PAPPA2: variants seen among roughly 807,000 people sequenced by gnomAD.
The protein encoded by PAPPA2 is pappalysin 2.
A neutral mutation model predicts 176.4 loss-of-function variants in PAPPA2; 86 were observed. The ratio of observed to expected loss-of-function variants is 0.49; its 90% confidence interval spans 0.41 to 0.58. The LOEUF is 0.58. Ranked by LOEUF, PAPPA2 falls within the 20% of genes least tolerant of loss-of-function variation. The pLI, the probability that PAPPA2 is intolerant of heterozygous loss-of-function variation, is 0.00. For synonymous variants in PAPPA2, 809 were observed against 852.2 expected (o/e 0.95, Z 0.88); for missense variants, 2,073 against 2,256.9 (o/e 0.92, Z 1.65).
intron 15 of PAPPA2, among the ~76,000 whole-genome samples, chr1:176,768,602 C>T (rs1389461067): frequency 6.6e-6 from 1 of 151,962 alleles, no homozygotes; most frequent in Non-Finnish European, 1.5e-5. Context: ...TCTATTCTTC[C>T]TCCTTCACAT....
chr1:176,510,298 C>T (rs1648517755), intron 1 of PAPPA2, among the ~76,000 whole-genome samples: 1 of 152,134 alleles, frequency 6.6e-6, no homozygotes, highest in African/African-American at 2.4e-5. Context: ...TCATCGTTTT[C>T]TCACCTGAGC....
At chr1:176,836,935 A>C (rs753810517) in intron 21 of PAPPA2, 1 of 152,218 alleles carries the variant, frequency 6.6e-6, no homozygotes, top group Non-Finnish European at 1.5e-5. Context: ...GGAATAAAGC[A>C]TATGGAGTGA....
intron 21 of PAPPA2, among the ~76,000 whole-genome samples, chr1:176,817,351 A>G (rs151301311): frequency 6.6e-6 from 1 of 152,274 alleles, no homozygotes; most frequent in East Asian, 1.9e-4. Context: ...GTCTGCAGAG[A>G]GTCTTGGGCC....
chr1:176,766,213 C>T (rs1319264497), intron 15 of PAPPA2, among the ~76,000 whole-genome samples: 1 of 152,134 alleles, frequency 6.6e-6, no homozygotes, highest in Admixed American at 6.5e-5. Flanking sequence ...AATGTCCACC[C>T]CACAACAACC....
At chr1:176,780,807 T>A (rs1482348666) in intron 17 of PAPPA2, among the ~76,000 whole-genome samples, 1 of 152,158 alleles carries the variant, frequency 6.6e-6, no homozygotes, top group African/African-American at 2.4e-5. Context: ...AAGAAAGAGG[T>A]TCCTATTAAA....
chr1:176,716,839 C>T (rs1371666165), intron 12 of PAPPA2, among the ~76,000 whole-genome samples: 1 of 151,538 alleles, frequency 6.6e-6, no homozygotes, highest in Non-Finnish European at 1.5e-5. Context: ...TCTCGATCTC[C>T]TGACCTCGTG....
intron 14 of PAPPA2, among the ~76,000 whole-genome samples, chr1:176,749,883 G>A (rs1219577466): frequency 2.0e-5 from 3 of 152,060 alleles, no homozygotes; most frequent in African/African-American, 7.2e-5. Context: ...CCTATTGAAG[G>A]ACATCTTGGT....
At chr1:176,471,755 A>AC (rs1475849756) in intron 1 of PAPPA2, among the ~76,000 whole-genome samples, 1 of 152,100 alleles carries the variant, frequency 6.6e-6, no homozygotes, top group Non-Finnish European at 1.5e-5. Flanking sequence ...ATCTCTTTAA[A>AC]CCTACAGTTT....
intron 1 of PAPPA2, among the ~76,000 whole-genome samples, chr1:176,535,959 T>G (rs1156788479): frequency 6.6e-6 from 1 of 152,126 alleles, no homozygotes; most frequent in East Asian, 1.9e-4. Context: ...TGACAAGTGC[T>G]TTTTTAGAAC....
intron 3 of PAPPA2, among the ~76,000 whole-genome samples, chr1:176,646,917 A>T (rs1352901076): frequency 2.0e-5 from 3 of 151,536 alleles, no homozygotes; most frequent in African/African-American, 7.2e-5. Flanking sequence ...TTTCTGTTGA[A>T]TATATACCTA....
At chr1:176,493,380 C>T (rs976753615) in intron 1 of PAPPA2, among the ~76,000 whole-genome samples, 1 of 152,138 alleles carries the variant, frequency 6.6e-6, no homozygotes. Context: ...AGTTTTTGTA[C>T]AGCAACCTCC....
intron 3 of PAPPA2, among the ~76,000 whole-genome samples, chr1:176,659,297 G>A (rs1203285495): frequency 6.6e-6 from 1 of 152,072 alleles, no homozygotes; most frequent in Non-Finnish European, 1.5e-5. Flanking sequence ...TCTGAGGGCT[G>A]TGAGGGAGAT....
intron 1 of PAPPA2, among the ~76,000 whole-genome samples, chr1:176,465,099 T>C (rs898266036): frequency 6.6e-6 from 1 of 152,252 alleles, no homozygotes; most frequent in Admixed American, 6.5e-5. Context: ...TCTGTGTTTG[T>C]TGCATTCTGA....
At chr1:176,803,888 C>G (rs1487792496) in intron 21 of PAPPA2, among the ~76,000 whole-genome samples, 7 of 152,098 alleles carry the variant, frequency 4.6e-5, no homozygotes, top group Non-Finnish European at 2.9e-5. Context: ...GCATAAAAAG[C>G]CTTTTCCAAC....
At chr1:176,718,450 T>C (rs1216629179) in intron 12 of PAPPA2, among the ~76,000 whole-genome samples, 1 of 152,024 alleles carries the variant, frequency 6.6e-6, no homozygotes, top group Non-Finnish European at 1.5e-5. Context: ...ACTTGTTCTT[T>C]TTCTAGTAAC....
intron 3 of PAPPA2, 51 bp downstream of exon 3, chr1:176,595,646 T>G: frequency 1.3e-6 from 2 of 1,523,010 alleles, no homozygotes; most frequent in Non-Finnish European, 1.8e-6. Context: ...ATTTCTAACA[T>G]CATTTTATCT....
chr1:176,764,642 G>A lies in PAPPA2; in HGVS notation c.4152-1024G>A, dbSNP rs185967983. Among the ~76,000 whole-genome samples, 58 of 150,872 alleles carry A rather than the reference G, an allele frequency of 3.8e-4. 1 individual carries two copies. The highest frequency in any genetic ancestry group is 6.9e-3 in the Middle Eastern group (2 of 288). The stretch of plus-strand genomic sequence containing the variant: ...GACGGAGTCTCGCTCTGTCGCTCAG[G>A]CTGGAGTGCAGTGGCGAGATCTGGG... On this transcript the variant is annotated intron_variant, in intron 14 of 22. Coordinates refer to ENST00000367662, the MANE Select transcript of PAPPA2 (RefSeq NM_020318.3).
intron 3 of PAPPA2, among the ~76,000 whole-genome samples, chr1:176,628,829 C>A (rs909470325): frequency 6.6e-6 from 1 of 152,176 alleles, no homozygotes; most frequent in Non-Finnish European, 1.5e-5. Context: ...AAAGAGCTTG[C>A]TTATGGATAA....
chr1:176,616,745 C>G (rs945864006), intron 3 of PAPPA2: 5 of 1,283,978 alleles, frequency 3.9e-6, no homozygotes, highest in Non-Finnish European at 5.6e-6. Flanking sequence ...ATCTCATGTT[C>G]TTGTATGTGA....
Sources: gnomAD v4.1 joint callset for allele counts (sites outside exome capture counted in the v4.1 genomes callset) on GRCh38, gnomAD v4.1.1 for gene constraint, MANE v1.5 for transcripts, NCBI Gene and HGNC (gene_info 2026-07-23, HGNC 2026-07-21) for gene names.